COG5: variants seen among roughly 807,000 people sequenced by gnomAD.
COG5 encodes the protein component of oligomeric golgi complex 5.
A neutral mutation model predicts 110.4 loss-of-function variants in COG5; 86 were observed. That is an observed-to-expected ratio of 0.78 (90% CI 0.65 to 0.93). The LOEUF is 0.93. COG5 is among the 40% of genes least tolerant of loss of function. COG5 has a pLI of 0.00. For synonymous variants in COG5, 360 were observed against 334.6 expected (o/e 1.08, Z -0.83); for missense variants, 1,077 against 987.0 (o/e 1.09, Z -1.22).
intron 3 of COG5, among the ~76,000 whole-genome samples, chr7:107,553,318 A>C (rs1012573550): frequency 1.3e-5 from 2 of 152,240 alleles, no homozygotes; most frequent in Non-Finnish European, 2.9e-5. Flanking sequence ...TAATCTTCCT[A>C]AGAACCTAGT....
chr7:107,311,370 ATTTTTTTTTTTTTTTTTTTTTT>A (rs71134260), intron 11 of COG5, among the ~76,000 whole-genome samples: 1 of 58,914 alleles, frequency 1.7e-5, no homozygotes, highest in African/African-American at 6.2e-5. Flanking sequence ...GCGTATTTAC[ATTTTTTTTTTTTTTTTTTTTTT>A]TTTTTTTTTT....
At chr7:107,360,071 T>C (rs1315983183) in intron 10 of COG5, among the ~76,000 whole-genome samples, 1 of 152,052 alleles carries the variant, frequency 6.6e-6, no homozygotes, top group African/African-American at 2.4e-5. Context: ...AGGTATAAGC[T>C]AACCACTCTA....
At chr7:107,338,334 A>C (rs902004166) in intron 10 of COG5, among the ~76,000 whole-genome samples, 4 of 152,290 alleles carry the variant, frequency 2.6e-5, no homozygotes, top group African/African-American at 9.6e-5. Flanking sequence ...TAGCCCAGAA[A>C]TAAACCCTCA....
At chr7:107,384,542 CT>C (rs1815407040) in intron 7 of COG5, among the ~76,000 whole-genome samples, 1 of 152,172 alleles carries the variant, frequency 6.6e-6, no homozygotes, top group African/African-American at 2.4e-5. Context: ...TAAAACTGTG[CT>C]TCACTCACCC....
intron 19 of COG5, among the ~76,000 whole-genome samples, chr7:107,227,401 C>T (rs1800423360): frequency 6.6e-6 from 1 of 151,464 alleles, no homozygotes; most frequent in South Asian, 2.1e-4. Context: ...CCATAAGAAG[C>T]TAGATATAAA....
intron 6 of COG5, among the ~76,000 whole-genome samples, chr7:107,495,048 A>T (rs1349417050): frequency 6.6e-6 from 1 of 152,146 alleles, no homozygotes; most frequent in African/African-American, 2.4e-5. Context: ...AAAGTCAGAG[A>T]GGAATCTACC....
intron 11 of COG5, among the ~76,000 whole-genome samples, chr7:107,306,177 G>GT (rs772038224): frequency 7.2e-5 from 11 of 151,834 alleles, no homozygotes; most frequent in Non-Finnish European, 1.6e-4. Context: ...AACAAAATCA[G>GT]TTTTACATAA....
intron 11 of COG5, among the ~76,000 whole-genome samples, chr7:107,320,803 G>A (rs1192545303): frequency 6.6e-6 from 1 of 152,182 alleles, no homozygotes; most frequent in Non-Finnish European, 1.5e-5. Flanking sequence ...TGAGAGAAAG[G>A]AGATGATAAT....
Position 107,270,684 on chromosome 7 carries a change from T to C in COG5, c.1575+10616A>G, listed in dbSNP as rs150640903. Among the ~76,000 whole-genome samples, 178 of 152,206 alleles carry C rather than the reference T, an allele frequency of 1.2e-3. 2 individuals are homozygous for C. The highest frequency in any genetic ancestry group is 4.1e-3 in the African/African-American group (169 of 41,530). ...TCATTTTCTCCAAACTTCCAAAATA[T>C]ATACTACATTTAGTTTCGGTAATGT... On this transcript the variant is annotated intron_variant, in intron 14 of 21. Transcript: ENST00000297135.
chr7:107,243,309 C>CGAGACCCTCCTG lies in COG5; in HGVS notation c.1853+5075_1853+5086dup, dbSNP rs1801791792. ...CGGGTGGATCACAAGGTCAGAAGATCGAGACCCTCCTGGCTAACACGGTGA... is the reference window on the plus strand; with the variant it reads ...CGGGTGGATCACAAGGTCAGAAGATCGAGACCCTCCTGGAGACCCTCCTGGCTAACACGGTGA... On this transcript the variant is annotated intron_variant, in intron 17 of 21. Coordinates refer to ENST00000297135, the MANE Select transcript of COG5 (RefSeq NM_006348.5). 2.0e-5 allele frequency among the ~76,000 whole-genome samples: 3 copies of CGAGACCCTCCTG among 151,900 alleles called. No homozygotes were observed. The South Asian group carries it at 6.3e-4, about 32-fold the overall frequency.
chr7:107,211,091 T>C lies in COG5; in HGVS notation c.2295+8A>G, dbSNP rs377392848. 190 of 1,613,978 alleles carry C rather than the reference T, an allele frequency of 1.2e-4. No homozygotes were observed. The highest frequency in any genetic ancestry group is 3.5e-4 in the African/African-American group (26 of 75,044). On this transcript the variant is annotated splice_region_variant and intron_variant, in intron 20 of 21. Transcript: ENST00000297135. ...ACAAAAGGGTTCTGGCTTGACTTTATTTATTACCTGGAAAGGAGATTTCAG... is the reference window on the plus strand; with the variant it reads ...ACAAAAGGGTTCTGGCTTGACTTTACTTATTACCTGGAAAGGAGATTTCAG...
chr7:107,261,409 C>T (rs1270987484), intron 14 of COG5, among the ~76,000 whole-genome samples: 1 of 151,982 alleles, frequency 6.6e-6, no homozygotes, highest in East Asian at 1.9e-4. Flanking sequence ...CTAAATATTT[C>T]AATGTGTGTA....
intron 6 of COG5, among the ~76,000 whole-genome samples, chr7:107,427,415 C>A (rs1489277412): frequency 6.6e-6 from 1 of 152,200 alleles, no homozygotes; most frequent in East Asian, 1.9e-4. Flanking sequence ...AATTATTTCA[C>A]AACTTGAGAA....
At chr7:107,342,609 T>G (rs958790643) in intron 10 of COG5, among the ~76,000 whole-genome samples, 5 of 151,602 alleles carry the variant, frequency 3.3e-5, no homozygotes, top group Admixed American at 6.6e-5. Context: ...ACCTGGGAAG[T>G]ACAGATTGCA....
intron 5 of COG5, among the ~76,000 whole-genome samples, chr7:107,532,028 G>A (rs1210117600): frequency 6.6e-6 from 1 of 152,064 alleles, no homozygotes; most frequent in Non-Finnish European, 1.5e-5. Flanking sequence ...TCTCAAAGAA[G>A]CCCTGGTTTC....
rs1802325104 is a variant in COG5, at chr7:107,545,239, A to G, written c.417+2872T>C. On this transcript the variant is annotated intron_variant, in intron 5 of 21. Coordinates refer to ENST00000297135, the MANE Select transcript of COG5 (RefSeq NM_006348.5). ...AAAAATAATAACAAAAATTCCCCAA[A>G]TCTGTGGAATGTAAAAAATATCCAG... 2.0e-5 allele frequency among the ~76,000 whole-genome samples: 3 copies of G among 152,198 alleles called. No individual in the cohort carries two copies. In the South Asian group the frequency reaches 6.2e-4, roughly 31 times the overall value.
At chr7:107,512,425 T>A (rs886463971) in intron 6 of COG5, among the ~76,000 whole-genome samples, 3 of 152,240 alleles carry the variant, frequency 2.0e-5, no homozygotes, top group African/African-American at 7.2e-5. Flanking sequence ...GAACATTCCA[T>A]GCTCATGGGT....
At chr7:107,352,639 C>T (rs1388726851) in intron 10 of COG5, among the ~76,000 whole-genome samples, 1 of 151,936 alleles carries the variant, frequency 6.6e-6, no homozygotes, top group Non-Finnish European at 1.5e-5. Context: ...ATTTGGATAT[C>T]CTAAATTTTT....
At chr7:107,523,385 T>C (rs907763472) in intron 6 of COG5, among the ~76,000 whole-genome samples, 2 of 151,922 alleles carry the variant, frequency 1.3e-5, no homozygotes, top group African/African-American at 2.4e-5. Context: ...TCAACTCTTT[T>C]ATTAACTACA....
Sources: gnomAD v4.1 joint callset for allele counts (sites outside exome capture counted in the v4.1 genomes callset) on GRCh38, gnomAD v4.1.1 for gene constraint, MANE v1.5 for transcripts, NCBI Gene and HGNC (gene_info 2026-07-23, HGNC 2026-07-21) for gene names.